ABCA9: variants seen among roughly 807,000 people sequenced by gnomAD.
The protein encoded by ABCA9 is ATP binding cassette subfamily A member 9, also known as ATP-binding cassette sub-family A member 9.
A neutral mutation model predicts 205.3 loss-of-function variants in ABCA9; 183 were observed. The observed-to-expected ratio is 0.89, with a 90% CI of 0.79 to 1.01. The LOEUF (loss-of-function observed/expected upper bound fraction) is 1.01, where lower values mean the gene tolerates loss of function less well. Ranked by LOEUF, ABCA9 falls within the 50% of genes least tolerant of loss-of-function variation. The probability of loss-of-function intolerance (pLI) is 0.00; values close to 1 mark genes in which losing one functional copy is unlikely to be tolerated. For missense variants in ABCA9, 1,805 were observed against 1,912.4 expected (o/e 0.94, Z 1.05); for synonymous variants, 651 against 683.3 (o/e 0.95, Z 0.74).
At chr17:69,077,277 T>C in the ABCA9 span, among the ~76,000 whole-genome samples, 1 of 152,200 alleles carries the variant, frequency 6.6e-6, no homozygotes, top group Non-Finnish European at 1.5e-5. Flanking sequence ...CCAAAAGTCA[T>C]TCAGGAGAAA....
rs772935096 is a variant in ABCA9 at position 68,992,171 on chromosome 17, C to T, written c.3716+4G>A. 37 of 1,555,228 alleles carry T rather than the reference C, an allele frequency of 2.4e-5. No homozygotes were observed. The South Asian group carries it at 3.9e-4, about 16-fold the overall frequency. ...AACATGAAATTCGATTTGATTTTCT[C>T]AACCTGAACACAGGATCCTTTCTCA... On this transcript the variant is annotated splice_donor_region_variant and intron_variant, in intron 28 of 38. Transcript: ENST00000340001.
intron 19 of ABCA9, chr17:69,019,957 T>G (rs1254363905): frequency 6.5e-6 from 1 of 154,282 alleles, no homozygotes; most frequent in Admixed American, 6.4e-5. Flanking sequence ...GATTTCAGAT[T>G]TGCCAAGCCC....
At chr17:69,063,198 C>T (rs1186429168), upstream of ABCA9, among the ~76,000 whole-genome samples, 1 of 152,124 alleles carries the variant, frequency 6.6e-6, no homozygotes, top group Non-Finnish European at 1.5e-5. Context: ...TTCCATTATT[C>T]TTACTTTATG....
chr17:69,021,710 T>C, intron 18 of ABCA9, 32 bp downstream of exon 18: 1 of 1,371,846 alleles, frequency 7.3e-7, no homozygotes, highest in Non-Finnish European at 1.0e-6. Context: ...TCTTTCTTTC[T>C]CCCTTTCTTT....
At chr17:69,076,247 A>G in the ABCA9 span, among the ~76,000 whole-genome samples, 2 of 152,130 alleles carry the variant, frequency 1.3e-5, no homozygotes, top group African/African-American at 4.8e-5. Flanking sequence ...GGATTTAATC[A>G]TAGGCTTTTC....
chr17:69,018,651 A>G, intron 19 of ABCA9, 72 bp from the exon 20 acceptor site: 1 of 1,091,158 alleles, frequency 9.2e-7, no homozygotes, highest in African/African-American at 1.6e-5. Context: ...TTGAAGGTAT[A>G]ATGAATATAA....
intron 9 of ABCA9, chr17:69,033,483 A>C (rs958970999): frequency 3.5e-6 from 1 of 287,712 alleles, no homozygotes; most frequent in African/African-American, 2.2e-5. Context: ...TGACATAAAC[A>C]CTAATAGTAT....
At chr17:69,040,791 A>G (rs977405826) in intron 6 of ABCA9, among the ~76,000 whole-genome samples, 1 of 152,174 alleles carries the variant, frequency 6.6e-6, no homozygotes, top group Non-Finnish European at 1.5e-5. Flanking sequence ...AATCCCCAAT[A>G]TAGATAATTA....
chr17:68,975,993 C>T lies in ABCA9; in HGVS notation c.4797G>A (p.Lys1599=), dbSNP rs1347251220. The change falls in exon 39 of 39, where the codon AAG becomes AAA. Residue 1599 remains lysine (K), a synonymous_variant. Transcript: ENST00000340001. ...CTTCAAGATCACCCAGCTCCTGCTCCTTGGAGAGCTCCAGGAAAACCTAAA... is the reference window on the plus strand; with the variant it reads ...CTTCAAGATCACCCAGCTCCTGCTCTTTGGAGAGCTCCAGGAAAACCTAAA... ...TLEQVFLELS[K]EQELGDLEED... 1.2e-5 allele frequency: 20 copies of T among 1,613,664 alleles called. No individual in the cohort carries two copies. Among genetic ancestry groups the T allele is most frequent in the Non-Finnish European group, 1.5e-5 (18 of 1,179,890 alleles).
rs374577561 is a variant in ABCA9, at chr17:69,033,868, T to C, written c.1134A>G (p.Ile378Met). ...TAGAATTCACATCATAGTCCAAATG[T>C]ATAAGCTGAAAAAGAAAGATACAGT... ...FAFTVGMAQL[I>M]HLDYDVNSNA... The change falls in exon 9 of 39, where the codon ATA (isoleucine) becomes ATG (methionine). Residue 378 changes from isoleucine (I) to methionine (M), a missense_variant. Ile to Met is a conservative substitution (Grantham distance 10). Coordinates refer to ENST00000340001, the MANE Select transcript of ABCA9 (RefSeq NM_080283.4). 3.1e-6 allele frequency: 5 copies of C among 1,588,528 alleles called. No homozygotes were observed. In the African/African-American group the frequency reaches 5.4e-5, roughly 17 times the overall value.
intron 23 of ABCA9, 73 bp downstream of exon 23, chr17:69,011,903 A>C: frequency 1.0e-6 from 1 of 959,212 alleles, no homozygotes; most frequent in Non-Finnish European, 1.5e-6. Context: ...CTTGCATGTA[A>C]ATTTATAGTC....
In ABCA9 at chr17:69,011,974, A is replaced by T. The variant is rs747853354; in HGVS notation, c.3147+2T>A. On this transcript the variant is annotated splice_donor_variant, in intron 23 of 38. Coordinates refer to ENST00000340001, the MANE Select transcript of ABCA9 (RefSeq NM_080283.4). LOFTEE classifies it high-confidence loss of function. ...ACATGTGAAGACTTTAACTCTTCTT[A>T]CTTTGTAGTCACCAATGCTGCTCAT... is the stretch of plus-strand genomic sequence containing the variant. 3.1e-6 allele frequency: 5 copies of T among 1,604,886 alleles called. No homozygotes were observed. Among genetic ancestry groups the T allele is most frequent in the Non-Finnish European group, 4.3e-6 (5 of 1,174,704 alleles).
chr17:68,988,255 T>C (rs2069314478), intron 31 of ABCA9, among the ~76,000 whole-genome samples: 3 of 152,214 alleles, frequency 2.0e-5, no homozygotes, highest in African/African-American at 7.2e-5. Flanking sequence ...CTTCTGTCCA[T>C]CATTTTACCC....
chr17:68,999,885 G>A (rs1330528440), intron 25 of ABCA9, among the ~76,000 whole-genome samples: 1 of 152,132 alleles, frequency 6.6e-6, no homozygotes, highest in Non-Finnish European at 1.5e-5. Context: ...CAGTGATGAT[G>A]AGCATTATTT....
chr17:69,062,067 C>T (rs867904264), upstream of ABCA9, among the ~76,000 whole-genome samples: 8 of 151,414 alleles, frequency 5.3e-5, no homozygotes, highest in Middle Eastern at 3.4e-3. Flanking sequence ...TAATTATATG[C>T]GATCCAGAAG....
At chr17:68,978,364 C>A (rs1168462343) in intron 37 of ABCA9, among the ~76,000 whole-genome samples, 1 of 152,092 alleles carries the variant, frequency 6.6e-6, no homozygotes, top group East Asian at 1.9e-4. Context: ...ATGTGTGTCT[C>A]TGCATGTGAG....
At chr17:69,048,208 T>A (rs1420360721) in intron 3 of ABCA9, among the ~76,000 whole-genome samples, 1 of 152,118 alleles carries the variant, frequency 6.6e-6, no homozygotes, top group South Asian at 2.1e-4. Context: ...GGGATTACAA[T>A]TCAAGATGAG....
At chr17:69,012,370 T>A in intron 22 of ABCA9, 1 of 274,248 alleles carries the variant, frequency 3.6e-6, no homozygotes. Flanking sequence ...ATGAAACGTC[T>A]TTTCTCTGAC....
chr17:68,982,586 G>A lies in ABCA9; in HGVS notation c.4696C>T (p.Gln1566Ter). Residue 1566 changes from glutamine to a stop codon, truncating the protein, a stop_gained, in exon 37 of 39, where the codon CAG becomes TAG. Transcript: ENST00000340001. LOFTEE classifies it high-confidence loss of function. ...LPVEDVRPLS[Q>*]AFFKLEIVKQ... ...CCTATCTCTAATTTGAAGAAAGCCT[G>A]TGATAAAGGTCGCACATCCTCAACA... 1.9e-6 allele frequency: 3 copies of A among 1,614,000 alleles called. No individual in the cohort carries two copies. Among genetic ancestry groups the A allele is most frequent in the Non-Finnish European group, 1.7e-6 (2 of 1,179,886 alleles).
Sources: allele counts gnomAD v4.1 joint callset (sites outside exome capture counted in the v4.1 genomes callset), GRCh38; gene constraint gnomAD v4.1.1; transcripts MANE v1.5; gene names NCBI Gene and HGNC (gene_info 2026-07-23, HGNC 2026-07-21).